The following DOCK3 variants were observed in gnomAD, a reference collection of about 807,000 sequenced individuals.
DOCK3 encodes the protein dedicator of cytokinesis protein 3.
In DOCK3, 60 loss-of-function variants were observed where a neutral mutation model predicts 265.6. The ratio of observed to expected loss-of-function variants is 0.23; its 90% CI spans 0.18 to 0.28. DOCK3 has a LOEUF of 0.28. Among genes scored for constraint, DOCK3 ranks in the 10% least tolerant of loss-of-function variants. DOCK3 has a pLI of 1.00. For missense variants in DOCK3, 1,981 were observed against 2,594.3 expected (o/e 0.76, Z 5.14); for synonymous variants, 881 against 938.0 (o/e 0.94, Z 1.11).
chr3:51,056,537 T>C (rs895067381), intron 5 of DOCK3, among the ~76,000 whole-genome samples: 1 of 152,202 alleles, frequency 6.6e-6, no homozygotes, highest in African/African-American at 2.4e-5. Flanking sequence ...CGTGAGCCAC[T>C]GTGCCTGGCC....
chr3:51,148,697 T>C (rs1261185743), intron 10 of DOCK3, among the ~76,000 whole-genome samples: 3 of 152,224 alleles, frequency 2.0e-5, no homozygotes, highest in South Asian at 4.1e-4. Flanking sequence ...GTTCCATTGG[T>C]CTATACCTCT....
chr3:50,772,487 A>G (rs2041333812), intron 1 of DOCK3, among the ~76,000 whole-genome samples: 1 of 152,212 alleles, frequency 6.6e-6, no homozygotes, highest in South Asian at 2.1e-4. Context: ...GCTTGAGGGG[A>G]TGGATACTTC....
At chr3:51,028,397 T>C (rs111359247) in intron 5 of DOCK3, among the ~76,000 whole-genome samples, 2,574 of 152,284 alleles carry the variant, frequency 0.017, 53 homozygotes, top group African/African-American at 0.042. Context: ...GAATACTGTG[T>C]AACTTTGGGA....
intron 4 of DOCK3, among the ~76,000 whole-genome samples, chr3:50,905,364 T>C (rs2049429832): frequency 6.6e-6 from 1 of 152,122 alleles, no homozygotes; most frequent in African/African-American, 2.4e-5. Context: ...GTATGGCCAT[T>C]TTCACGATAT....
chr3:51,370,479 AAG>A (rs1175177528), intron 49 of DOCK3, among the ~76,000 whole-genome samples: 3 of 152,210 alleles, frequency 2.0e-5, no homozygotes, highest in Non-Finnish European at 4.4e-5. Context: ...GAAAAGAAGA[AAG>A]AGGAGGAATA....
At chr3:51,283,766 C>T (rs964037829) in intron 27 of DOCK3, among the ~76,000 whole-genome samples, 2 of 152,202 alleles carry the variant, frequency 1.3e-5, no homozygotes, top group African/African-American at 4.8e-5. Context: ...CAAGGGACTG[C>T]ATCCTAAACC....
chr3:51,183,007 G>C (rs1240789906), intron 12 of DOCK3, among the ~76,000 whole-genome samples: 1 of 152,138 alleles, frequency 6.6e-6, no homozygotes, highest in Non-Finnish European at 1.5e-5. Context: ...GTATGCATCT[G>C]GTTTCCTCAT....
chr3:50,895,676 C>G (rs973996377), intron 4 of DOCK3, among the ~76,000 whole-genome samples: 1 of 152,062 alleles, frequency 6.6e-6, no homozygotes, highest in Non-Finnish European at 1.5e-5. Context: ...GCTCCCCAAC[C>G]CCCAACAGGC....
intron 4 of DOCK3, among the ~76,000 whole-genome samples, chr3:50,896,053 G>C (rs752417459): frequency 1.3e-5 from 2 of 152,110 alleles, no homozygotes; most frequent in Admixed American, 1.3e-4. Flanking sequence ...GGATTGCTGG[G>C]TCAATTTGTA....
At chr3:50,788,968 T>C (rs2042330113) in intron 2 of DOCK3, among the ~76,000 whole-genome samples, 1 of 152,264 alleles carries the variant, frequency 6.6e-6, no homozygotes, top group South Asian at 2.1e-4. Flanking sequence ...TTTTGTTTGT[T>C]TGTTTCCATT....
chr3:51,312,770 G>A, intron 30 of DOCK3, 74 bp from the exon 31 acceptor site: 1 of 1,471,428 alleles, frequency 6.8e-7, no homozygotes, highest in African/African-American at 1.4e-5. Context: ...TGAAGTCCTG[G>A]CCTCATGGGT....
chr3:50,939,125 G>A (rs2051554624), intron 5 of DOCK3, among the ~76,000 whole-genome samples: 1 of 151,898 alleles, frequency 6.6e-6, no homozygotes, highest in Non-Finnish European at 1.5e-5. Flanking sequence ...ACATTAAGCA[G>A]GCAAAAAGAA....
chr3:51,117,280 T>C (rs2083782494), intron 9 of DOCK3, among the ~76,000 whole-genome samples: 1 of 152,216 alleles, frequency 6.6e-6, no homozygotes, highest in Non-Finnish European at 1.5e-5. Flanking sequence ...TATTTGTGTA[T>C]GTTGAATCAG....
chr3:51,152,304 T>C (rs994356396), intron 10 of DOCK3, among the ~76,000 whole-genome samples: 1 of 152,204 alleles, frequency 6.6e-6, no homozygotes, highest in African/African-American at 2.4e-5. Context: ...AGCTTGTGCA[T>C]GTGTCATGTA....
chr3:50,711,551 C>T (rs760400109), intron 1 of DOCK3, among the ~76,000 whole-genome samples: 11 of 152,050 alleles, frequency 7.2e-5, no homozygotes, highest in Non-Finnish European at 1.3e-4. Context: ...CGTGAACCAC[C>T]GCGCCCGGCC....
intron 4 of DOCK3, among the ~76,000 whole-genome samples, chr3:50,920,560 T>G (rs1456657377): frequency 1.3e-5 from 2 of 152,244 alleles, no homozygotes; most frequent in Non-Finnish European, 2.9e-5. Context: ...TATTCTCTGA[T>G]GGTAGTTTGT....
intron 22 of DOCK3, among the ~76,000 whole-genome samples, chr3:51,253,810 AC>A (rs2079395705): frequency 6.6e-6 from 1 of 152,068 alleles, no homozygotes; most frequent in South Asian, 2.1e-4. Context: ...TTTTCAAAAA[AC>A]CAGCTCCTGG....
chr3:51,245,423 C>T (rs1412090857), intron 21 of DOCK3, among the ~76,000 whole-genome samples: 2 of 136,208 alleles, frequency 1.5e-5, no homozygotes, highest in Non-Finnish European at 3.1e-5. Context: ...CGGAGTCTTG[C>T]ACTGTCGCCT....
intron 5 of DOCK3, among the ~76,000 whole-genome samples, chr3:51,045,415 A>G (rs925775288): frequency 3.3e-5 from 5 of 152,162 alleles, no homozygotes; most frequent in Non-Finnish European, 7.3e-5. Context: ...GAGATCACTG[A>G]TCACACACAG....
Sources: gnomAD v4.1 joint callset for allele counts (sites outside exome capture counted in the v4.1 genomes callset) on GRCh38, gnomAD v4.1.1 for gene constraint, MANE v1.5 for transcripts, NCBI Gene and HGNC (gene_info 2026-07-23, HGNC 2026-07-21) for gene names.